Variants in CEP63 observed in about 807,000 individuals in gnomAD.
CEP63 encodes the protein centrosomal protein 63.
A neutral mutation model predicts 89.1 loss-of-function variants in CEP63; 84 were observed. The observed-to-expected ratio is 0.94, with a 90% CI of 0.79 to 1.13. The LOEUF is 1.13. CEP63 is among the 50% of genes most tolerant of loss of function. The pLI is 0.00. For synonymous variants in CEP63, 267 were observed against 272.5 expected (o/e 0.98, Z 0.20); for missense variants, 838 against 813.3 (o/e 1.03, Z -0.37).
intron 5 of CEP63, among the ~76,000 whole-genome samples, chr3:134,535,102 A>T (rs968223966): frequency 1.3e-5 from 2 of 151,822 alleles, no homozygotes; most frequent in African/African-American, 4.8e-5. Flanking sequence ...CCCTCCTCTT[A>T]AATATCCTCT....
the CEP63 span, among the ~76,000 whole-genome samples, chr3:134,659,501 C>T: frequency 3.3e-4 from 51 of 152,328 alleles, no homozygotes; most frequent in African/African-American, 1.2e-3. Context: ...TCGGTGCACA[C>T]AGTTCCCCAG....
At chr3:134,724,059 G>T in the CEP63 span, among the ~76,000 whole-genome samples, 2 of 152,260 alleles carry the variant, frequency 1.3e-5, no homozygotes, top group Admixed American at 1.3e-4. Flanking sequence ...AGAAGGGAGT[G>T]GGGTGAGATT....
chr3:134,647,145 A>G, the CEP63 span, among the ~76,000 whole-genome samples: 11 of 152,318 alleles, frequency 7.2e-5, no homozygotes, highest in Non-Finnish European at 1.5e-4. Context: ...AAACCTCACC[A>G]TCCCAAGGGA....
At chr3:134,774,262 G>A in the CEP63 span, among the ~76,000 whole-genome samples, 2 of 152,044 alleles carry the variant, frequency 1.3e-5, no homozygotes, top group Non-Finnish European at 2.9e-5. Context: ...CTGCATTCAT[G>A]CTCCTCTACT....
the CEP63 span, among the ~76,000 whole-genome samples, chr3:134,618,046 C>T: frequency 6.6e-6 from 1 of 152,120 alleles, no homozygotes; most frequent in African/African-American, 2.4e-5. Flanking sequence ...ATTCTGTACC[C>T]TGACCCACCG....
Position 134,507,435 on chromosome 3 carries a change from A to C in CEP63, c.222+149A>C, listed in dbSNP as rs1386713129. On this transcript the variant is annotated intron_variant, in intron 3 of 14. Transcript: ENST00000675561. The stretch of plus-strand genomic sequence containing the variant: ...AATTCTGCTGTTTTATTTTAGAAGA[A>C]AAATTCATTGTGAAAATGTATAAGA... The C allele has an allele frequency of 4.7e-6, 3 of 633,818 alleles. No homozygotes were observed. The East Asian group carries it at 8.5e-5, about 18-fold the overall frequency. The allele number at this position is 633,818 out of a possible 1,614,324, so 39.3% of individuals were successfully genotyped here.
the CEP63 span, among the ~76,000 whole-genome samples, chr3:134,754,228 G>A: frequency 1.3e-5 from 2 of 152,208 alleles, 1 homozygote; most frequent in South Asian, 4.1e-4. Context: ...TAGCCTCAGG[G>A]ACTCTCTTCC....
At chr3:134,604,184 T>C in the CEP63 span, 2 of 1,611,228 alleles carry the variant, frequency 1.2e-6, no homozygotes, top group East Asian at 4.5e-5. Flanking sequence ...ATGATGCCCA[T>C]CTGCTCCGAG....
At chr3:134,622,975 T>C in the CEP63 span, among the ~76,000 whole-genome samples, 1 of 152,212 alleles carries the variant, frequency 6.6e-6, no homozygotes, top group Non-Finnish European at 1.5e-5. Flanking sequence ...TCTGGACCCC[T>C]GTTCTACTCT....
At chr3:134,635,577 TA>T in the CEP63 span, among the ~76,000 whole-genome samples, 1 of 147,386 alleles carries the variant, frequency 6.8e-6, no homozygotes, top group Non-Finnish European at 1.5e-5. Flanking sequence ...CCACACAAGA[TA>T]ATTTTAAAGA....
chr3:134,572,770 C>T (rs1279378026), intron 11 of CEP63, among the ~76,000 whole-genome samples: 2 of 152,060 alleles, frequency 1.3e-5, no homozygotes, highest in Non-Finnish European at 2.9e-5. Flanking sequence ...ATATATATAC[C>T]TAGTAATGGA....
the CEP63 span, among the ~76,000 whole-genome samples, chr3:134,740,266 TTTTATTTATTTATTTA>T: frequency 8.9e-4 from 126 of 140,926 alleles, no homozygotes; most frequent in South Asian, 1.6e-3. Flanking sequence ...TATTCTTTTC[TTTTATTTATTTATTTA>T]TTTATTTATT....
At chr3:134,639,317 C>CA in the CEP63 span, among the ~76,000 whole-genome samples, 1 of 152,050 alleles carries the variant, frequency 6.6e-6, no homozygotes, top group Non-Finnish European at 1.5e-5. Context: ...GGGGTACTGC[C>CA]AAACACAGCA....
At chr3:134,496,157 A>G (rs1257360280) in intron 2 of CEP63, among the ~76,000 whole-genome samples, 2 of 151,838 alleles carry the variant, frequency 1.3e-5, no homozygotes, top group East Asian at 1.9e-4. Flanking sequence ...AGGTCCATAC[A>G]TGTTTGTGTC....
the CEP63 span, among the ~76,000 whole-genome samples, chr3:134,651,899 C>T: frequency 6.6e-6 from 1 of 152,272 alleles, no homozygotes; most frequent in East Asian, 1.9e-4. Flanking sequence ...CTGCCTGGTA[C>T]CCCTGGGCAC....
At chr3:134,753,605 T>G in the CEP63 span, among the ~76,000 whole-genome samples, 2 of 152,218 alleles carry the variant, frequency 1.3e-5, no homozygotes, top group Admixed American at 1.3e-4. Flanking sequence ...CTCCCCTGAC[T>G]TAGCCTATCA....
the CEP63 span, among the ~76,000 whole-genome samples, chr3:134,780,210 G>A: frequency 5.3e-5 from 8 of 152,196 alleles, no homozygotes; most frequent in Non-Finnish European, 2.9e-5. Flanking sequence ...ACTTGTATCT[G>A]AAATGTCTGT....
chr3:134,507,326 CTT>C (rs780423529), intron 3 of CEP63, 40 bp downstream of exon 3: 14 of 1,440,418 alleles, frequency 9.7e-6, no homozygotes, highest in Non-Finnish European at 1.2e-5. Flanking sequence ...ACATTTTTAT[CTT>C]GTCTTTTATA....
intron 11 of CEP63, among the ~76,000 whole-genome samples, chr3:134,574,291 G>A (rs939670958): frequency 6.6e-6 from 1 of 152,192 alleles, no homozygotes; most frequent in Non-Finnish European, 1.5e-5. Context: ...GCTCAGGTGG[G>A]CACAGCTCTA....
Sources: allele counts gnomAD v4.1 joint callset (sites outside exome capture counted in the v4.1 genomes callset), GRCh38; gene constraint gnomAD v4.1.1; transcripts MANE v1.5; gene names NCBI Gene and HGNC (gene_info 2026-07-23, HGNC 2026-07-21).